EGFR: variants seen among roughly 807,000 people sequenced by gnomAD.
EGFR encodes avian erythroblastic leukemia viral (v-erb-b) oncogene homolog.
Under a neutral mutation model 143.0 loss-of-function variants are expected in EGFR, and 58 were observed. That is an observed-to-expected ratio of 0.41 (90% CI 0.33 to 0.50). EGFR has a LOEUF of 0.50. Among genes scored for constraint, EGFR ranks in the 20% least tolerant of loss-of-function variants. EGFR has a pLI of 0.39. For missense variants in EGFR, 1,307 were observed against 1,579.0 expected (o/e 0.83, Z 2.92); for synonymous variants, 613 against 594.4 (o/e 1.03, Z -0.45).
chr7:55,095,072 A>G (rs2128896893), intron 1 of EGFR, among the ~76,000 whole-genome samples: 1 of 152,326 alleles, frequency 6.6e-6, no homozygotes, highest in Middle Eastern at 3.4e-3. Context: ...AAAGAAAGCA[A>G]GGACACAGAG....
Position 55,211,413 on chromosome 7 carries a change from A to T in EGFR, c.*5796A>T, listed in dbSNP as rs1262730500. 1 of 152,246 alleles carries T rather than the reference A, an allele frequency of 6.6e-6. No individual in the cohort carries two copies. The highest frequency in any genetic ancestry group is 2.4e-5 in the African/African-American group (1 of 41,470). 9.4% of individuals were successfully genotyped at this position (152,246 alleles called of 1,614,324 possible). ...TTAGAAACATTCAAGCAATAGCTTTATAGCTTCAACATATGGTACGTTTTA... is the reference window on the plus strand; with the variant it reads ...TTAGAAACATTCAAGCAATAGCTTTTTAGCTTCAACATATGGTACGTTTTA... On this transcript the variant is annotated 3_prime_UTR_variant, in exon 28 of 28. Coordinates refer to ENST00000275493, the MANE Select transcript of EGFR (RefSeq NM_005228.5).
intron 21 of EGFR, among the ~76,000 whole-genome samples, chr7:55,192,205 G>T (rs1210649007): frequency 6.6e-6 from 1 of 152,176 alleles, no homozygotes; most frequent in Non-Finnish European, 1.5e-5. Flanking sequence ...TGCCTTGGTG[G>T]TCCACTGCTG....
intron 15 of EGFR, chr7:55,170,880 T>C: frequency 7.1e-7 from 1 of 1,412,612 alleles, no homozygotes; most frequent in African/African-American, 1.4e-5. Flanking sequence ...GGGACAATTA[T>C]CTGTGTCAAA....
intron 22 of EGFR, among the ~76,000 whole-genome samples, chr7:55,193,680 C>G (rs913870786): frequency 6.6e-6 from 1 of 152,196 alleles, no homozygotes; most frequent in African/African-American, 2.4e-5. Context: ...GCGACAGGAG[C>G]AAGGGAGGAG....
rs2128968635 is a variant in EGFR, at chr7:55,198,727, T to C, written c.2712T>C (p.Val904=). ...QSDVWSYGVT[V]WELMTFGSKP... ...GCTTCATCCTCTCAGGGGTGACTGT[T>C]TGGGAGTTGATGACCTTTGGATCCA... Residue 904 remains valine, a synonymous_variant, in exon 23 of 28, where the codon GTT becomes GTC. Transcript: ENST00000275493. 1 of 1,614,160 alleles carries C rather than the reference T, an allele frequency of 6.2e-7. No individual in the cohort carries two copies. Among genetic ancestry groups the C allele is most frequent in the Admixed American group, 1.7e-5 (1 of 60,008 alleles).
intron 1 of EGFR, among the ~76,000 whole-genome samples, chr7:55,094,905 A>G (rs1791351709): frequency 6.6e-6 from 1 of 152,206 alleles, no homozygotes; most frequent in African/African-American, 2.4e-5. Flanking sequence ...ACCATTTTGG[A>G]CCTTGGCAGT....
chr7:55,202,574 A>T lies in EGFR; in HGVS notation c.3220A>T (p.Thr1074Ser), dbSNP rs1275982156. The change falls in exon 27 of 28, where the codon ACA (threonine) becomes TCA (serine). Residue 1074 changes from threonine (T) to serine (S), a missense_variant. Transcript: ENST00000275493. ...CTTGCAGCGATACAGCTCAGACCCC[A>T]CAGGCGCCTTGACTGAGGACAGCAT... ...SFLQRYSSDPTGALTEDSIDD... is the reference protein window; with the variant it reads ...SFLQRYSSDPSGALTEDSIDD... 6.2e-7 allele frequency: 1 copy of T among 1,613,444 alleles called. No homozygotes were observed. The highest frequency in any genetic ancestry group is 8.5e-7 in the Non-Finnish European group (1 of 1,179,704).
Position 55,202,524 on chromosome 7 carries a change from G to A in EGFR, c.3170G>A (p.Ser1057Asn), listed in dbSNP as rs751466686. ...VACIDRNGLQ[S>N]CPIKEDSFLQ... ...CCTCATTTCCTCCTGCAGCTGCAAA[G>A]CTGTCCCATCAAGGAAGACAGCTTC... Residue 1057 changes from serine to asparagine, a missense_variant, in exon 27 of 28, where the codon AGC becomes AAC. Transcript: ENST00000275493. 1.6e-5 allele frequency: 25 copies of A among 1,607,774 alleles called. No homozygotes were observed. Among genetic ancestry groups the A allele is most frequent in the Non-Finnish European group, 2.0e-5 (23 of 1,177,158 alleles).
At chr7:55,047,858 A>G (rs1788270275) in intron 1 of EGFR, among the ~76,000 whole-genome samples, 1 of 152,228 alleles carries the variant, frequency 6.6e-6, no homozygotes, top group African/African-American at 2.4e-5. Context: ...GCAAATAAAA[A>G]TTTCCAACAT....
At chr7:55,174,558 G>GGGCGTCACAGCCCCC (rs1475705447) in intron 18 of EGFR, among the ~76,000 whole-genome samples, 164 bp from the exon 19 acceptor site, 33 of 152,222 alleles carry the variant, frequency 2.2e-4, no homozygotes, top group Non-Finnish European at 1.5e-5. Context: ...AGGGCTGCGG[G>GGGCGTCACAGCCCCC]GGCGTCACAG....
At chr7:55,026,579 G>C (rs1786897474) in intron 1 of EGFR, among the ~76,000 whole-genome samples, 1 of 152,122 alleles carries the variant, frequency 6.6e-6, no homozygotes. Context: ...CTCGACCAGA[G>C]ACATGCTAGT....
At chr7:55,056,979 C>CA (rs1440358054) in intron 1 of EGFR, among the ~76,000 whole-genome samples, 2 of 152,310 alleles carry the variant, frequency 1.3e-5, no homozygotes, top group Admixed American at 1.3e-4. Flanking sequence ...GTGCAGCCAA[C>CA]AGAGCAGAGA....
intron 3 of EGFR, among the ~76,000 whole-genome samples, chr7:55,145,210 C>T (rs376766332): frequency 2.6e-4 from 40 of 152,180 alleles, no homozygotes; most frequent in Middle Eastern, 3.2e-3. Context: ...CCTCGCCCCG[C>T]CCCCTGCTCT....
chr7:55,169,923 C>T (rs17290204), intron 15 of EGFR, among the ~76,000 whole-genome samples: 38 of 152,308 alleles, frequency 2.5e-4, no homozygotes, highest in Non-Finnish European at 4.9e-4. Context: ...CTCCCTCTGC[C>T]GGGTGTTCCC....
chr7:55,111,437 T>C (rs62459762), intron 1 of EGFR, among the ~76,000 whole-genome samples: 2,646 of 152,232 alleles, frequency 0.017, 42 homozygotes, highest in Admixed American at 0.032. Flanking sequence ...CTGAGCCTGT[T>C]TGTGCCACTG....
Position 55,201,369 on chromosome 7 carries a change from GTCTC to G in EGFR, c.3114+27_3114+30del, listed in dbSNP as rs753534663. The G allele has an allele frequency of 8.7e-6, 14 of 1,605,628 alleles. No homozygotes were observed. The highest frequency in any genetic ancestry group is 3.3e-4 in the Middle Eastern group (2 of 6,028). ...CTGAGCTCTCTGGTATGAAATCTCT[GTCTC>G]TCTCTCTCTCTCAAGCTGTGTCTAC... On this transcript the variant is annotated intron_variant, in intron 25 of 27. Coordinates refer to ENST00000275493, the MANE Select transcript of EGFR (RefSeq NM_005228.5).
Position 55,019,143 on chromosome 7 carries a change from C to T in EGFR, c.-135C>T. 1.5e-6 allele frequency: 1 copy of T among 666,808 alleles called. No homozygotes were observed. Among genetic ancestry groups the T allele is most frequent in the South Asian group, 2.2e-5 (1 of 44,826 alleles). The allele number at this position is 666,808 out of a possible 1,614,324, so 41.3% of individuals were successfully genotyped here. On this transcript the variant is annotated 5_prime_UTR_variant, in exon 1 of 28. Coordinates refer to ENST00000275493, the MANE Select transcript of EGFR (RefSeq NM_005228.5). ...GCCCCGGCGGCCGCCGCCGCCCAGA[C>T]CGGACGACAGGCCACCTCGTCGGCG...
At chr7:55,047,127 G>A (rs914957785) in intron 1 of EGFR, among the ~76,000 whole-genome samples, 2 of 152,200 alleles carry the variant, frequency 1.3e-5, no homozygotes, top group Admixed American at 1.3e-4. Flanking sequence ...CAGTCATAAA[G>A]AAGAGGAGAT....
intron 26 of EGFR, 132 bp downstream of exon 26, chr7:55,201,914 T>C: frequency 9.1e-7 from 1 of 1,104,914 alleles, no homozygotes; most frequent in Non-Finnish European, 1.4e-6. Context: ...GGTTTTTCCC[T>C]GCACGGCTGT....
Sources: allele counts gnomAD v4.1 joint callset (sites outside exome capture counted in the v4.1 genomes callset), GRCh38; gene constraint gnomAD v4.1.1; transcripts MANE v1.5; gene names NCBI Gene and HGNC (gene_info 2026-07-23, HGNC 2026-07-21).